Variants in TNC observed in about 807,000 individuals in gnomAD.
The protein encoded by TNC is tenascin.
In TNC, 109 loss-of-function variants were observed where a neutral mutation model predicts 202.4. The ratio of observed to expected loss-of-function variants is 0.54; its 90% CI spans 0.46 to 0.63. TNC has a LOEUF of 0.63. Among genes scored for constraint, TNC ranks in the 30% least tolerant of loss-of-function variants. The probability of loss-of-function intolerance (pLI) is 0.00; values close to 1 mark genes in which losing one functional copy is unlikely to be tolerated. For synonymous variants in TNC, 1,007 were observed against 1,089.7 expected, an observed-to-expected ratio of 0.92 and a Z score of 1.50; for missense variants, 2,756 against 2,833.3, an observed-to-expected ratio of 0.97 and a Z score of 0.62.
At chr9:115,083,333 T>C (rs1300939689) in intron 4 of TNC, among the ~76,000 whole-genome samples, 1 of 152,148 alleles carries the variant, frequency 6.6e-6, no homozygotes, top group Non-Finnish European at 1.5e-5. Context: ...GCTTTTTAGA[T>C]ATGAAGGTAA....
chr9:115,100,919 C>T (rs1044442615), intron 1 of TNC, among the ~76,000 whole-genome samples: 23 of 152,034 alleles, frequency 1.5e-4, no homozygotes, highest in East Asian at 1.9e-4. Flanking sequence ...TTTAAAAATG[C>T]ATATGAAAGT....
At chr9:115,035,558 G>A in intron 21 of TNC, 1 of 481,702 alleles carries the variant, frequency 2.1e-6, no homozygotes. Flanking sequence ...TTTCTAACTG[G>A]CCTTGGTTGG....
At chr9:115,030,466 TCTTAG>T (rs1829864166) in intron 23 of TNC, 61 bp from the exon 24 acceptor site, 1 of 1,531,326 alleles carries the variant, frequency 6.5e-7, no homozygotes, top group South Asian at 1.2e-5. Flanking sequence ...GGAGCTTAAT[TCTTAG>T]CTTAACTCTA....
At chr9:115,096,283 T>C (rs1257023691) in intron 1 of TNC, among the ~76,000 whole-genome samples, 1 of 152,200 alleles carries the variant, frequency 6.6e-6, no homozygotes, top group East Asian at 1.9e-4. Flanking sequence ...GAATTCGAAG[T>C]GCTCTGTCCC....
At chr9:115,072,424 A>G (rs971937109) in intron 10 of TNC, among the ~76,000 whole-genome samples, 6 of 152,242 alleles carry the variant, frequency 3.9e-5, no homozygotes, top group African/African-American at 7.2e-5. Flanking sequence ...ATAAGAAAGA[A>G]AACCAACTTC....
rs766952465 is a variant in TNC at position 115,063,964 on chromosome 9, G to A, written c.3592C>T (p.Gln1198Ter). 10 of 1,614,134 alleles carry A rather than the reference G, an allele frequency of 6.2e-6. No homozygotes were observed. Among genetic ancestry groups the A allele is most frequent in the Non-Finnish European group, 8.5e-6 (10 of 1,180,030 alleles). ...PEGAYEYFFI[Q>*]VQEADTVEAA... ...TCTACTGTGTCAGCCTCCTGCACCTGAATGAAAAAGTACTCATAGGCCCCT... is the reference window on the plus strand; with the variant it reads ...TCTACTGTGTCAGCCTCCTGCACCTAAATGAAAAAGTACTCATAGGCCCCT... The change falls in exon 12 of 28, where the codon CAG (glutamine) becomes TAG (stop). Residue 1198 changes from glutamine to a stop codon, truncating the protein, a stop_gained. Transcript: ENST00000350763. LOFTEE classifies it high-confidence loss of function.
intron 1 of TNC, among the ~76,000 whole-genome samples, chr9:115,095,694 GTA>G (rs202134845): frequency 2.4e-5 from 1 of 41,694 alleles, no homozygotes; most frequent in Non-Finnish European, 4.7e-5. Context: ...ATATATATAT[GTA>G]TATATATGTA....
intron 27 of TNC, 135 bp downstream of exon 27, chr9:115,023,838 G>T: frequency 1.9e-6 from 2 of 1,060,484 alleles, no homozygotes; most frequent in South Asian, 1.6e-5. Flanking sequence ...TCACTGCCTT[G>T]GGAAAAACAT....
At chr9:115,044,027 T>C (rs1016211055) in intron 17 of TNC, among the ~76,000 whole-genome samples, 3 of 152,168 alleles carry the variant, frequency 2.0e-5, no homozygotes, top group East Asian at 1.9e-4. Flanking sequence ...AGAGCCATGA[T>C]GAAACTCCAA....
chr9:115,083,959 A>G (rs1345101644), intron 4 of TNC, among the ~76,000 whole-genome samples: 2 of 152,234 alleles, frequency 1.3e-5, no homozygotes, highest in Non-Finnish European at 2.9e-5. Context: ...TCTGATACAC[A>G]GTAAACACTT....
rs369874534 is a variant in TNC at position 115,064,890 on chromosome 9, C to T, written c.3244G>A (p.Val1082Met). 2.9e-5 allele frequency: 47 copies of T among 1,614,000 alleles called. No homozygotes were observed. The highest frequency in any genetic ancestry group is 1.6e-4 in the Middle Eastern group (1 of 6,084). Residue 1082 changes from valine to methionine, a missense_variant, in exon 11 of 28, where the codon GTG becomes ATG. Transcript: ENST00000350763. ...EQAPELENLT[V>M]TEVGWDGLRL... ...AGGCCATCCCAGCCAACCTCAGTCA[C>T]GGTGAGGTTTTCCAGCTCAGGGGCT...
chr9:115,052,841 T>C (rs1286630710), intron 15 of TNC: 1 of 702,718 alleles, frequency 1.4e-6, no homozygotes, highest in African/African-American at 1.7e-5. Context: ...GCCTGTGATG[T>C]GAGCTTGCTT....
chr9:115,037,220 A>G (rs1216090342), intron 20 of TNC, among the ~76,000 whole-genome samples: 1 of 152,234 alleles, frequency 6.6e-6, no homozygotes, highest in Non-Finnish European at 1.5e-5. Context: ...CAGAGGCTCC[A>G]GGCACAGACG....
chr9:115,094,815 CTCTGTGTGTGTGTGTG>C (rs59741108), intron 1 of TNC, among the ~76,000 whole-genome samples: 3,288 of 125,272 alleles, frequency 0.026, 172 homozygotes, highest in African/African-American at 0.096. Flanking sequence ...GAACAAGTGC[CTCTGTGTGTGTGTGTG>C]TGTGTGTGTG....
In TNC at chr9:115,086,910, A is replaced by G. The variant is rs757331581; in HGVS notation, c.821T>C (p.Phe274Ser). Residue 274 changes from phenylalanine (F) to serine (S), a missense_variant, in exon 3 of 28, where the codon TTT becomes TCT. Physicochemically the swap from Phe to Ser is radical, Grantham distance 155. Around this residue, in one of 2 missense-constraint regions of TNC, gnomAD observed 2,559 missense variants for 2,546.0 expected, o/e 1.01. Coordinates refer to ENST00000350763, the MANE Select transcript of TNC (RefSeq NM_002160.4). ...AGGCTTGTTGCAGTCATCGCCTGCA[A>G]AGCCATCGTGGCACACACACAAGCC... ...VDGLCVCHDG[F>S]AGDDCNKPLC... 3 of 1,613,658 alleles carry G rather than the reference A, an allele frequency of 1.9e-6. No homozygotes were observed. The East Asian group carries it at 6.7e-5, about 36-fold the overall frequency.
intron 1 of TNC, among the ~76,000 whole-genome samples, chr9:115,104,080 A>G (rs532868606): frequency 2.0e-5 from 3 of 152,366 alleles, no homozygotes; most frequent in African/African-American, 4.8e-5. Context: ...TAGACAGAAA[A>G]GAAAATAAAA....
At chr9:115,036,333 A>C in intron 20 of TNC, 92 bp from the exon 21 acceptor site, 8 of 1,402,696 alleles carry the variant, frequency 5.7e-6, no homozygotes, top group East Asian at 2.3e-5. Context: ...TCCTTCGAAC[A>C]TCGAAACTTT....
At chr9:115,070,955 T>C (rs1338690342) in intron 10 of TNC, among the ~76,000 whole-genome samples, 1 of 152,214 alleles carries the variant, frequency 6.6e-6, no homozygotes, top group East Asian at 1.9e-4. Context: ...GTCTTCCCAT[T>C]GTAAGCCTTT....
At chr9:115,097,978 A>G (rs1271303720) in intron 1 of TNC, among the ~76,000 whole-genome samples, 1 of 152,214 alleles carries the variant, frequency 6.6e-6, no homozygotes, top group East Asian at 1.9e-4. Flanking sequence ...TCATCTGTTG[A>G]GAAGGCTGGG....
Sources: allele counts gnomAD v4.1 joint callset (sites outside exome capture counted in the v4.1 genomes callset), GRCh38; gene constraint gnomAD v4.1.1; regional missense constraint gnomAD v4.1.1; transcripts MANE v1.5; gene names NCBI Gene and HGNC (gene_info 2026-07-23, HGNC 2026-07-21).